The following FGF13 variants were observed in gnomAD, a reference collection of about 807,000 sequenced individuals.
FGF13 encodes fibroblast growth factor 13.
FGF13 carries 2 observed loss-of-function variants against 19.5 expected under a neutral mutation model. The ratio of observed to expected loss-of-function variants is 0.10; its 90% CI spans 0.04 to 0.32. FGF13 has a LOEUF of 0.32. Among genes scored for constraint, FGF13 ranks in the 10% least tolerant of loss-of-function variants. FGF13 has a pLI of 1.00. For missense variants in FGF13, 113 were observed against 192.7 expected, an observed-to-expected ratio of 0.59 and a Z score of 2.45; for synonymous variants, 72 against 76.9, an observed-to-expected ratio of 0.94 and a Z score of 0.33.
At chrX:138,794,973 A>G (rs1481281818) in intron 3 of FGF13, among the ~76,000 whole-genome samples, 2 of 112,275 alleles carry the variant, frequency 1.8e-5, no homozygotes, top group South Asian at 3.7e-4. Flanking sequence ...AGTATGCAAG[A>G]AGTTAAACTC....
At chrX:138,797,328 C>CT (rs1774003829) in intron 3 of FGF13, among the ~76,000 whole-genome samples, 2 of 110,631 alleles carry the variant, frequency 1.8e-5, no homozygotes, top group East Asian at 2.8e-4. Flanking sequence ...TTCCCTATTG[C>CT]TTTTTTTTGG....
intron 2 of FGF13, chrX:138,857,688 A>G (rs1201269664): frequency 1.1e-5 from 13 of 1,140,549 alleles, no homozygotes; most frequent in African/African-American, 3.7e-5. Flanking sequence ...AACTGTGGTC[A>G]CCACATAACA....
At position 139,021,734 on chromosome X, in the gene FGF13, T is replaced by C. The variant is rs188255928; in HGVS notation, c.-112-157084A>G. Among the ~76,000 whole-genome samples the C allele has an allele frequency of 8.2e-3, 916 of 111,288 alleles. 6 individuals carry two copies. The highest frequency in any genetic ancestry group is 0.037 in the Middle Eastern group (8 of 214). On this transcript the variant is annotated intron_variant, in intron 1 of 2. Coordinates refer to the FGF13 transcript ENST00000421460. ...CCCAAGATCCAATAATAAATTATTA[T>C]GAAAGACAGGAAGGAAGGGAAAGAG...
chrX:138,864,666 G>A (rs2091307568), intron 1 of FGF13: 1 of 112,580 alleles, frequency 8.9e-6, no homozygotes, highest in African/African-American at 3.2e-5. Flanking sequence ...GACAGAAATA[G>A]GTCCACTAAG....
chrX:138,635,409 AAGTATATTTAGT>A, intron 4 of FGF13, 36 bp downstream of exon 4: 1 of 1,100,697 alleles, frequency 9.1e-7, no homozygotes, highest in Non-Finnish European at 1.2e-6. Flanking sequence ...ATAAATAAAT[AAGTATATTTAGT>A]AGCATAATCC....
chrX:139,169,327 T>C (rs1437875585), intron 1 of FGF13, among the ~76,000 whole-genome samples: 1 of 111,420 alleles, frequency 9.0e-6, no homozygotes, highest in Non-Finnish European at 1.9e-5. Context: ...TCTGGAAGAG[T>C]GCAGCTCCTC....
intron 1 of FGF13, among the ~76,000 whole-genome samples, chrX:138,898,376 C>T (rs1304808656): frequency 8.9e-6 from 1 of 111,763 alleles, no homozygotes; most frequent in Non-Finnish European, 1.9e-5. Context: ...GGGGCCAGGC[C>T]AGGCAATTTA....
chrX:138,983,330 C>G (rs1387471355), intron 1 of FGF13, among the ~76,000 whole-genome samples: 1 of 104,423 alleles, frequency 9.6e-6, no homozygotes, highest in East Asian at 3.1e-4. Flanking sequence ...ATGTGGCTAT[C>G]CAGTATTTCC....
Position 138,640,394 on chromosome X carries a change from T to C in FGF13, c.403-4739A>G, listed in dbSNP as rs191283525. Among the ~76,000 whole-genome samples the C allele has an allele frequency of 5.3e-4, 59 of 111,907 alleles. 1 individual carries two copies. The highest frequency in any genetic ancestry group is 3.8e-3 in the South Asian group (10 of 2,653). ...CCAAAGGTGTGCCAGAAAACGTTTT[T>C]TCCCCCGAACAAAGGCTTGGGAGCA... On this transcript the variant is annotated intron_variant, in intron 3 of 4. Transcript: ENST00000315930.
At chrX:138,932,479 T>G (rs1017910837) in intron 1 of FGF13, among the ~76,000 whole-genome samples, 1 of 96,235 alleles carries the variant, frequency 1.0e-5, no homozygotes, top group Admixed American at 1.1e-4. Flanking sequence ...CTCTGGAGGC[T>G]GAGGTGGCAG....
intron 3 of FGF13, among the ~76,000 whole-genome samples, chrX:138,766,091 G>A (rs990340151): frequency 1.3e-4 from 15 of 111,617 alleles, no homozygotes; most frequent in African/African-American, 4.9e-4. Context: ...CTTTCTCACC[G>A]ATCCCCACTG....
At chrX:139,151,021 G>A (rs1393138476) in intron 1 of FGF13, among the ~76,000 whole-genome samples, 3 of 110,061 alleles carry the variant, frequency 2.7e-5, no homozygotes, top group Non-Finnish European at 5.7e-5. Flanking sequence ...CTCCTAAGAG[G>A]ACACAATCAG....
intron 3 of FGF13, among the ~76,000 whole-genome samples, chrX:138,748,365 C>A (rs1365291873): frequency 9.0e-6 from 1 of 111,104 alleles, no homozygotes; most frequent in Non-Finnish European, 1.9e-5. Flanking sequence ...TCTGATAGAT[C>A]TGGTGTCCCT....
chrX:138,996,569 G>A (rs1003558632), intron 1 of FGF13, among the ~76,000 whole-genome samples: 2 of 112,750 alleles, frequency 1.8e-5, no homozygotes, highest in African/African-American at 3.2e-5. Flanking sequence ...CAAAGCTGCT[G>A]GGAAGTTCAA....
intron 1 of FGF13, among the ~76,000 whole-genome samples, chrX:138,999,719 A>G (rs760115393): frequency 4.6e-4 from 51 of 112,025 alleles, no homozygotes; most frequent in African/African-American, 1.5e-3. Flanking sequence ...AAAAAAGTCC[A>G]GGACCAGACA....
intron 1 of FGF13, among the ~76,000 whole-genome samples, chrX:139,162,883 C>A (rs1379954000): frequency 8.9e-6 from 1 of 112,027 alleles, no homozygotes; most frequent in Non-Finnish European, 1.9e-5. Flanking sequence ...ATTAAAAAGT[C>A]AGGAAACAAC....
chrX:138,884,606 T>A (rs775208345), intron 1 of FGF13, among the ~76,000 whole-genome samples: 60 of 112,301 alleles, frequency 5.3e-4, no homozygotes, highest in African/African-American at 1.9e-3. Context: ...ACAAGGAATA[T>A]CTTTTTATTG....
downstream of FGF13, among the ~76,000 whole-genome samples, chrX:138,856,909 A>T (rs2091260735): frequency 8.9e-6 from 1 of 111,872 alleles, no homozygotes; most frequent in South Asian, 3.8e-4. Context: ...AGTAACAGCA[A>T]GTAGAGTTGT....
chrX:138,624,196 A>C lies in FGF13; in HGVS notation c.*8654T>G. On this transcript the variant is annotated 3_prime_UTR_variant, in exon 5 of 5. Coordinates refer to ENST00000315930, the MANE Select transcript of FGF13 (RefSeq NM_004114.5). ...ATTATATTGTAAAGCTATAGTAATC[A>C]AAACAGTATGGTATTGGCATAGAAG... 8.9e-6 allele frequency: 1 copy of C among 112,171 alleles called. No homozygotes were observed. Among genetic ancestry groups the C allele is most frequent in the Admixed American group, 9.5e-5 (1 of 10,541 alleles). The allele number at this position is 112,171 out of a possible 1,213,427, so 9.2% of individuals were successfully genotyped here. A position where few individuals can be genotyped will look rare whatever the true frequency, so the allele number is the denominator to read the frequency against.
Sources: gnomAD v4.1 joint callset for allele counts (sites outside exome capture counted in the v4.1 genomes callset) on GRCh38, gnomAD v4.1.1 for gene constraint, MANE v1.5 for transcripts, NCBI Gene and HGNC (gene_info 2026-07-23, HGNC 2026-07-21) for gene names.